The following NREP variants were observed in gnomAD, a reference collection of about 807,000 sequenced individuals.
NREP encodes neuronal regeneration related protein.
A neutral mutation model predicts 8.6 loss-of-function variants in NREP; 5 were observed. That is an observed-to-expected ratio of 0.58 (90% CI 0.30 to 1.22). The LOEUF (loss-of-function observed/expected upper bound fraction) is 1.22, where lower values mean the gene tolerates loss of function less well. NREP is among the 50% of genes most tolerant of loss of function. The probability of loss-of-function intolerance (pLI) is 0.07; values close to 1 mark genes in which losing one functional copy is unlikely to be tolerated. For synonymous variants in NREP, 27 were observed against 28.0 expected, an observed-to-expected ratio of 0.96 and a Z score of 0.11; for missense variants, 86 against 82.5, an observed-to-expected ratio of 1.04 and a Z score of -0.17.
At chr5:111,792,663 A>C (rs1301518971) in intron 2 of NREP, among the ~76,000 whole-genome samples, 1 of 152,250 alleles carries the variant, frequency 6.6e-6, no homozygotes, top group African/African-American at 2.4e-5. Flanking sequence ...TAGATGCGAC[A>C]GAATGTGTAG....
At chr5:111,794,817 T>C (rs1751838800) in intron 2 of NREP, among the ~76,000 whole-genome samples, 1 of 152,142 alleles carries the variant, frequency 6.6e-6, no homozygotes. Flanking sequence ...AACCCTAATG[T>C]AAACGATGGC....
At position 111,921,032 on chromosome 5, in the gene NREP, A is replaced by T. The variant is rs1417191037; in HGVS notation, c.135+54242T>A. Among the ~76,000 whole-genome samples, 8 of 152,132 alleles carry T rather than the reference A, an allele frequency of 5.3e-5. No homozygotes were observed. The East Asian group carries it at 1.5e-3, about 29-fold the overall frequency. On this transcript the variant is annotated intron_variant, in intron 2 of 3. Transcript: ENST00000395634. ...TGATCTCTTAGGTTGCTCTTTGCTG[A>T]AAGAGAAATGACCTCTTGGGCTGCT...
chr5:111,888,239 G>A (rs973606639), intron 2 of NREP, among the ~76,000 whole-genome samples: 7 of 152,162 alleles, frequency 4.6e-5, no homozygotes, highest in Non-Finnish European at 7.4e-5. Flanking sequence ...ATTTTAGTCT[G>A]TGCATTAGTC....
At chr5:111,906,354 AT>A (rs1754778105) in intron 2 of NREP, among the ~76,000 whole-genome samples, 2 of 152,078 alleles carry the variant, frequency 1.3e-5, no homozygotes, top group Admixed American at 1.3e-4. Flanking sequence ...TCAGAACTTT[AT>A]TACGAAATTG....
chr5:111,967,453 C>T (rs1561374060), intron 2 of NREP, among the ~76,000 whole-genome samples: 1 of 152,202 alleles, frequency 6.6e-6, no homozygotes, highest in African/African-American at 2.4e-5. Context: ...TAAAGAATTG[C>T]AGTGGCTTCC....
At chr5:111,735,152 T>C in intron 3 of NREP, 1 of 341,812 alleles carries the variant, frequency 2.9e-6, no homozygotes, top group South Asian at 5.6e-5. Flanking sequence ...TAACCAGAAA[T>C]GGAACAGACT....
chr5:111,741,759 G>A (rs1749682897), intron 2 of NREP, among the ~76,000 whole-genome samples: 1 of 151,840 alleles, frequency 6.6e-6, no homozygotes, highest in Non-Finnish European at 1.5e-5. Flanking sequence ...CTGGGGCTTA[G>A]GTTGGCAAGC....
intron 2 of NREP, among the ~76,000 whole-genome samples, chr5:111,913,196 A>G (rs1218583771): frequency 6.6e-6 from 1 of 152,158 alleles, no homozygotes. Context: ...AAGATTTCTT[A>G]GGAAATGAAT....
At chr5:111,740,900 A>ATTTC (rs1480846781) in intron 2 of NREP, among the ~76,000 whole-genome samples, 2 of 152,086 alleles carry the variant, frequency 1.3e-5, no homozygotes, top group Admixed American at 1.3e-4. Flanking sequence ...CTTTATCAAT[A>ATTTC]TTTCTTTGGG....
intron 2 of NREP, among the ~76,000 whole-genome samples, chr5:111,793,196 C>T (rs1178935347): frequency 6.6e-6 from 1 of 152,080 alleles, no homozygotes; most frequent in Non-Finnish European, 1.5e-5. Flanking sequence ...AGTCAGGCTT[C>T]TCAAGAGAAA....
intron 2 of NREP, among the ~76,000 whole-genome samples, chr5:111,744,722 T>C (rs1749894340): frequency 6.6e-6 from 1 of 152,004 alleles, no homozygotes; most frequent in Non-Finnish European, 1.5e-5. Context: ...AACAGATGTG[T>C]TTCAGGGCTA....
chr5:111,730,545 G>GC lies in NREP; in HGVS notation c.*375_*376insG, dbSNP rs1748456025. 1 of 169,676 alleles carries GC rather than the reference G, an allele frequency of 5.9e-6. No homozygotes were observed. Among genetic ancestry groups the GC allele is most frequent in the African/African-American group, 2.4e-5 (1 of 41,864 alleles). The allele number at this position is 169,676 out of a possible 1,614,324, so 10.5% of individuals were successfully genotyped here. A position where few individuals can be genotyped will look rare whatever the true frequency, so the allele number is the denominator to read the frequency against. On this transcript the variant is annotated 3_prime_UTR_variant, in exon 4 of 4. Coordinates refer to ENST00000257435, the MANE Select transcript of NREP (RefSeq NM_004772.4). Reference sequence around the variant, plus strand: ...ATCTAAATGAAAAAAAAGGTGGGGGGGGGACTCTCAGCCTCTGCAAGAAGC... The same window carrying GC: ...ATCTAAATGAAAAAAAAGGTGGGGGGCGGGACTCTCAGCCTCTGCAAGAAGC...
intron 2 of NREP, among the ~76,000 whole-genome samples, chr5:111,752,215 C>T (rs538448640): frequency 6.6e-5 from 10 of 152,126 alleles, no homozygotes; most frequent in Non-Finnish European, 1.0e-4. Flanking sequence ...GAATGATACT[C>T]GGAACAGCTG....
intron 2 of NREP, among the ~76,000 whole-genome samples, chr5:111,881,293 C>A (rs1377272875): frequency 6.6e-6 from 1 of 152,192 alleles, no homozygotes; most frequent in Non-Finnish European, 1.5e-5. Flanking sequence ...CACCATTGCC[C>A]AGGCTTGCTT....
chr5:111,837,397 A>G (rs1334481178), intron 2 of NREP, among the ~76,000 whole-genome samples: 1 of 152,080 alleles, frequency 6.6e-6, no homozygotes, highest in African/African-American at 2.4e-5. Context: ...TCCAAGCTTC[A>G]AAAAGAATAA....
At chr5:111,953,837 C>T (rs759245881) in intron 2 of NREP, among the ~76,000 whole-genome samples, 3 of 151,908 alleles carry the variant, frequency 2.0e-5, no homozygotes, top group Non-Finnish European at 2.9e-5. Context: ...CAAAGAAAGG[C>T]ACAACAATAT....
chr5:111,729,038 G>GAACT (rs111417033), downstream of NREP: 3 of 152,014 alleles, frequency 2.0e-5, no homozygotes, highest in African/African-American at 7.3e-5. Flanking sequence ...AAAAAGTGTA[G>GAACT]AAATAAAAGG....
At chr5:111,901,944 A>G (rs1754656593) in intron 2 of NREP, among the ~76,000 whole-genome samples, 1 of 152,176 alleles carries the variant, frequency 6.6e-6, no homozygotes, top group Non-Finnish European at 1.5e-5. Flanking sequence ...GAAACAGTAA[A>G]AGAATTCTAA....
intron 2 of NREP, among the ~76,000 whole-genome samples, chr5:111,751,492 T>C (rs116169676): frequency 0.049 from 7,436 of 152,278 alleles, 244 homozygotes; most frequent in Non-Finnish European, 0.064. Context: ...CCAATAAATA[T>C]TCTTAGCAAT....
Sources: allele counts gnomAD v4.1 joint callset (sites outside exome capture counted in the v4.1 genomes callset), GRCh38; gene constraint gnomAD v4.1.1; transcripts MANE v1.5; gene names NCBI Gene and HGNC (gene_info 2026-07-23, HGNC 2026-07-21).